The following TMEM50A variants were observed in gnomAD, a reference collection of about 807,000 sequenced individuals.
TMEM50A encodes transmembrane protein 50A, also known as cervical cancer oncogene 9.
A neutral mutation model predicts 23.9 loss-of-function variants in TMEM50A; 8 were observed. The ratio of observed to expected loss-of-function variants is 0.33; its 90% confidence interval spans 0.20 to 0.60. TMEM50A has a LOEUF of 0.60. Ranked by LOEUF, TMEM50A falls within the 20% of genes least tolerant of loss-of-function variation. TMEM50A has a pLI of 0.81. For missense variants in TMEM50A, 178 were observed against 192.7 expected (o/e 0.92, Z 0.45); for synonymous variants, 55 against 60.4 (o/e 0.91, Z 0.41).
At chr1:25,352,234 G>A (rs1014836148) in intron 4 of TMEM50A, among the ~76,000 whole-genome samples, 4 of 152,000 alleles carry the variant, frequency 2.6e-5, no homozygotes, top group Non-Finnish European at 5.9e-5. Flanking sequence ...AGTGGCTCAC[G>A]GCTGTAATCC....
chr1:25,340,852 T>C (rs1645159892), intron 2 of TMEM50A, among the ~76,000 whole-genome samples: 1 of 152,184 alleles, frequency 6.6e-6, no homozygotes, highest in Non-Finnish European at 1.5e-5. Flanking sequence ...CTCCTTTTAA[T>C]GAGTATATTA....
chr1:25,360,266 A>G (rs181937962), intron 6 of TMEM50A, among the ~76,000 whole-genome samples: 84 of 151,536 alleles, frequency 5.5e-4, no homozygotes, highest in African/African-American at 1.6e-3. Flanking sequence ...GGAGAATGGC[A>G]TGAACCCGGG....
At chr1:25,352,837 C>A in intron 4 of TMEM50A, 45 bp from the exon 5 acceptor site, 1 of 1,536,436 alleles carries the variant, frequency 6.5e-7, no homozygotes, top group Non-Finnish European at 8.9e-7. Context: ...GTTAATTGTA[C>A]TGCCCTATAA....
At position 25,351,629 on chromosome 1, in the gene TMEM50A, T is replaced by C. The variant is rs1476932551; in HGVS notation, c.210T>C (p.Ile70=). 6.2e-7 allele frequency: 1 copy of C among 1,611,192 alleles called. No individual in the cohort carries two copies. Among genetic ancestry groups the C allele is most frequent in the Non-Finnish European group, 8.5e-7 (1 of 1,179,186 alleles). Residue 70 remains isoleucine (I), a synonymous_variant, in exon 4 of 7, where the codon ATT becomes ATC. Transcript: ENST00000374358. The part of the protein sequence containing the change: ...GVIATIAFLM[I]NAVSNGQVRG... ...TGGTTTTATTTTATTCATACAGGAT[T>C]AATGCAGTATCGAATGGACAAGTCC...
At chr1:25,340,961 G>A (rs915320367) in intron 2 of TMEM50A, among the ~76,000 whole-genome samples, 7 of 151,936 alleles carry the variant, frequency 4.6e-5, no homozygotes, top group African/African-American at 1.4e-4. Flanking sequence ...TCAGTCTCAG[G>A]GAAAAAAAAG....
intron 1 of TMEM50A, among the ~76,000 whole-genome samples, chr1:25,339,150 GC>G (rs1279432147): frequency 2.0e-5 from 3 of 152,150 alleles, no homozygotes; most frequent in African/African-American, 7.2e-5. Flanking sequence ...ATAATTGCTG[GC>G]TACAAAGTAT....
At position 25,360,977 on chromosome 1, in the gene TMEM50A, AAG is replaced by A. The variant is rs1251740121; in HGVS notation, c.*274_*275del. 5.8e-6 allele frequency: 2 copies of A among 342,416 alleles called. No homozygotes were observed. Among genetic ancestry groups the A allele is most frequent in the Non-Finnish European group, 1.1e-5 (2 of 187,012 alleles). 21.2% of individuals were successfully genotyped at this position (342,416 alleles called of 1,614,324 possible). A position where few individuals can be genotyped will look rare whatever the true frequency, so the allele number is the denominator to read the frequency against. ...TCATGGTATAATTTGTAAAAATAAAAAGAAATTACAAAAGAAATTATGGATTT... is the reference window on the plus strand; with the variant it reads ...TCATGGTATAATTTGTAAAAATAAAAAAATTACAAAAGAAATTATGGATTT... On this transcript the variant is annotated 3_prime_UTR_variant, in exon 7 of 7. Transcript: ENST00000374358.
At position 25,362,222 on chromosome 1, in the gene TMEM50A, A is replaced by G. The variant is rs941337878; in HGVS notation, c.*1517A>G. ...AACTGAGTAGCATGCTTTATTAAGCATGAGAAAGAATCTTAAGAATTGTCA... is the reference window on the plus strand; with the variant it reads ...AACTGAGTAGCATGCTTTATTAAGCGTGAGAAAGAATCTTAAGAATTGTCA... On this transcript the variant is annotated 3_prime_UTR_variant, in exon 7 of 7. Coordinates refer to ENST00000374358, the MANE Select transcript of TMEM50A (RefSeq NM_014313.4). 7.1e-6 allele frequency: 4 copies of G among 561,252 alleles called. No individual in the cohort carries two copies. The highest frequency in any genetic ancestry group is 6.2e-6 in the Non-Finnish European group (2 of 321,910). 34.8% of individuals were successfully genotyped at this position (561,252 alleles called of 1,614,324 possible). A position where few individuals can be genotyped will look rare whatever the true frequency, so the allele number is the denominator to read the frequency against.
At chr1:25,357,232 T>G (rs1013818420) in intron 6 of TMEM50A, among the ~76,000 whole-genome samples, 1 of 152,228 alleles carries the variant, frequency 6.6e-6, no homozygotes, top group African/African-American at 2.4e-5. Flanking sequence ...ATTTTATAAT[T>G]CTTCTGTCCT....
intron 5 of TMEM50A, among the ~76,000 whole-genome samples, chr1:25,356,250 C>G (rs1645332283): frequency 6.6e-6 from 1 of 152,224 alleles, no homozygotes; most frequent in East Asian, 1.9e-4. Context: ...TGCCAGGTCT[C>G]TGCTGCCCAG....
intron 6 of TMEM50A, among the ~76,000 whole-genome samples, chr1:25,357,551 G>C (rs1049834285): frequency 4.1e-4 from 61 of 147,968 alleles, no homozygotes; most frequent in African/African-American, 1.5e-3. Context: ...GTGTGTGTGT[G>C]TGTGTGTGTG....
intron 4 of TMEM50A, among the ~76,000 whole-genome samples, 193 bp downstream of exon 4, chr1:25,351,886 G>A (rs1465190309): frequency 6.6e-6 from 1 of 152,150 alleles, no homozygotes; most frequent in Non-Finnish European, 1.5e-5. Flanking sequence ...GTGCTTTATT[G>A]AGTGTAGGCA....
intron 5 of TMEM50A, among the ~76,000 whole-genome samples, chr1:25,354,178 T>A (rs1252573188): frequency 6.6e-6 from 1 of 151,980 alleles, no homozygotes; most frequent in Non-Finnish European, 1.5e-5. Flanking sequence ...TTTGTAGAGA[T>A]GGGGCTTCAC....
intron 6 of TMEM50A, among the ~76,000 whole-genome samples, chr1:25,359,783 T>C (rs1237575530): frequency 6.6e-6 from 1 of 152,170 alleles, no homozygotes; most frequent in East Asian, 1.9e-4. Flanking sequence ...CGCTAGGTCT[T>C]GTTCCTACCA....
intron 3 of TMEM50A, among the ~76,000 whole-genome samples, chr1:25,343,644 G>A (rs913308374): frequency 1.3e-4 from 19 of 151,868 alleles, no homozygotes; most frequent in South Asian, 6.2e-4. Context: ...CTCCCACCTC[G>A]ACCTCCCAAA....
chr1:25,351,541 C>T, intron 3 of TMEM50A, 85 bp from the exon 4 acceptor site: 1 of 1,220,742 alleles, frequency 8.2e-7, no homozygotes, highest in Admixed American at 2.4e-5. Flanking sequence ...TCAGGCCTAA[C>T]CTTACATTTG....
At chr1:25,343,387 A>G (rs1645184822) in intron 3 of TMEM50A, among the ~76,000 whole-genome samples, 1 of 152,176 alleles carries the variant, frequency 6.6e-6, no homozygotes, top group South Asian at 2.1e-4. Context: ...ATATTTATTA[A>G]GCTTTTATAT....
chr1:25,357,609 A>AGT (rs60773283), intron 6 of TMEM50A, among the ~76,000 whole-genome samples: 24,286 of 111,324 alleles, frequency 0.22, 2,977 homozygotes, highest in Non-Finnish European at 0.28. Context: ...TCTCTCACCC[A>AGT]GTGTGTGTGT....
At chr1:25,343,238 C>T (rs1354689586) in intron 3 of TMEM50A, among the ~76,000 whole-genome samples, 165 bp downstream of exon 3, 1 of 152,152 alleles carries the variant, frequency 6.6e-6, no homozygotes, top group Non-Finnish European at 1.5e-5. Context: ...AAGCAGCAGT[C>T]CTCTTTATTC....
Sources: gnomAD v4.1 joint callset for allele counts (sites outside exome capture counted in the v4.1 genomes callset) on GRCh38, gnomAD v4.1.1 for gene constraint, MANE v1.5 for transcripts, NCBI Gene and HGNC (gene_info 2026-07-23, HGNC 2026-07-21) for gene names.